EDC3: variants seen among roughly 807,000 people sequenced by gnomAD.
The protein encoded by EDC3 is enhancer of mRNA-decapping protein 3.
EDC3 carries 20 observed loss-of-function variants against 41.8 expected under a neutral mutation model. The observed-to-expected ratio is 0.48, with a 90% CI of 0.34 to 0.70. The LOEUF (loss-of-function observed/expected upper bound fraction) is 0.70, where lower values mean the gene tolerates loss of function less well. Among genes scored for constraint, EDC3 ranks in the 30% least tolerant of loss-of-function variants. The pLI is 0.01. For synonymous variants in EDC3, 206 were observed against 243.2 expected, an observed-to-expected ratio of 0.85 and a Z score of 1.42; for missense variants, 444 against 636.8, an observed-to-expected ratio of 0.70 and a Z score of 3.26.
intron 1 of EDC3, among the ~76,000 whole-genome samples, chr15:74,684,183 G>A (rs1432157736): frequency 1.4e-5 from 2 of 147,826 alleles, no homozygotes; most frequent in African/African-American, 5.0e-5. Flanking sequence ...GACTATAGGT[G>A]TATGCTACCA....
At position 74,671,426 on chromosome 15, in the gene EDC3, A is replaced by G; in HGVS notation, c.484+29T>C. The G allele has an allele frequency of 6.3e-7, 1 of 1,591,806 alleles. No individual in the cohort carries two copies. The highest frequency in any genetic ancestry group is 8.6e-7 in the Non-Finnish European group (1 of 1,165,186). ...CTTATAGCCCTGAAACACCAGATTGAGAAGAAATATCAACTTGACCCTACT... is the reference window on the plus strand; with the variant it reads ...CTTATAGCCCTGAAACACCAGATTGGGAAGAAATATCAACTTGACCCTACT... On this transcript the variant is annotated intron_variant, in intron 3 of 6. Transcript: ENST00000315127. This position sits in a 1 kb window ranked among gnomAD's most constrained non-coding sequence, Gnocchi z 4.6.
chr15:74,647,870 A>G (rs562224591), intron 4 of EDC3, among the ~76,000 whole-genome samples: 1 of 152,232 alleles, frequency 6.6e-6, no homozygotes, highest in Non-Finnish European at 1.5e-5. Flanking sequence ...AGGTTTATCC[A>G]GTGCAGGTGT....
chr15:74,687,550 G>A (rs1266609868), intron 1 of EDC3, among the ~76,000 whole-genome samples: 1 of 152,042 alleles, frequency 6.6e-6, no homozygotes, highest in Non-Finnish European at 1.5e-5. Context: ...GCTAATTTTT[G>A]TATTTTTAGT....
chr15:74,639,171 G>C (rs1033961711), intron 5 of EDC3: 1 of 152,186 alleles, frequency 6.6e-6, no homozygotes, highest in Non-Finnish European at 1.5e-5. Flanking sequence ...TTTTCTACCT[G>C]ATCTCACTGC....
intron 5 of EDC3, chr15:74,638,435 G>C (rs1417301351): frequency 6.9e-6 from 1 of 144,992 alleles, no homozygotes. Context: ...CCAGATTCAA[G>C]CATTTCTCTT....
chr15:74,664,431 G>C (rs931257304), intron 3 of EDC3, among the ~76,000 whole-genome samples: 4 of 152,248 alleles, frequency 2.6e-5, no homozygotes, highest in African/African-American at 9.6e-5. Context: ...CTGCCTTCCT[G>C]TGCCGTTTTT....
chr15:74,640,370 A>G (rs377310457), intron 5 of EDC3, 96 bp downstream of exon 5: 1 of 1,373,660 alleles, frequency 7.3e-7, no homozygotes, highest in African/African-American at 1.4e-5. Context: ...GAAACTGCCT[A>G]ATGAACTCGT....
rs1477593073 is a variant in EDC3 at position 74,632,668 on chromosome 15, T to C, written c.1471A>G (p.Ile491Val). The C allele has an allele frequency of 6.2e-7, 1 of 1,614,028 alleles. No homozygotes were observed. The highest frequency in any genetic ancestry group is 1.3e-5 in the African/African-American group (1 of 74,946). The part of the protein sequence containing the change: ...IPQQVFQEVG[I>V]NYHSPFGCKF... ...CAGCCAAAGGGCGAGTGGTAGTTGA[T>C]GCCCACCTCCTGGAAGACCTGCTGG... is the stretch of plus-strand genomic sequence containing the variant. The change falls in exon 7 of 7, where the codon ATC becomes GTC. Residue 491 changes from isoleucine (I) to valine (V), a missense_variant. Physicochemically the swap from Ile to Val is conservative, Grantham distance 29. Around this residue, in one of 3 missense-constraint regions of EDC3, gnomAD observed 242 missense variants for 363.8 expected, o/e 0.67. Coordinates refer to ENST00000315127, the MANE Select transcript of EDC3 (RefSeq NM_025083.5). The surrounding 1 kb of genome is among the most constrained non-coding windows in gnomAD (Gnocchi z 4.0).
chr15:74,649,931 T>A (rs1403293259), intron 4 of EDC3, among the ~76,000 whole-genome samples: 5 of 152,136 alleles, frequency 3.3e-5, no homozygotes, highest in African/African-American at 1.2e-4. Context: ...ATAACTTGAC[T>A]TGCTGCCATT....
At chr15:74,663,446 C>T (rs1187848444) in intron 3 of EDC3, among the ~76,000 whole-genome samples, 2 of 152,106 alleles carry the variant, frequency 1.3e-5, no homozygotes, top group Admixed American at 1.3e-4. Flanking sequence ...CTGAGCATCC[C>T]TAATCCAAAC....
At chr15:74,656,328 C>T (rs2062547886) in intron 3 of EDC3, among the ~76,000 whole-genome samples, 2 of 151,816 alleles carry the variant, frequency 1.3e-5, no homozygotes, top group South Asian at 4.2e-4. Flanking sequence ...TCGCTTGTGC[C>T]TAGGAGTTCA....
chr15:74,645,792 A>C (rs1043494628), intron 4 of EDC3, among the ~76,000 whole-genome samples: 2 of 151,618 alleles, frequency 1.3e-5, no homozygotes, highest in Non-Finnish European at 2.9e-5. Flanking sequence ...AGGTCAGGGG[A>C]GCCCAGGAGG....
intron 3 of EDC3, among the ~76,000 whole-genome samples, chr15:74,659,487 A>AATATATATAT (rs10601683): frequency 7.7e-5 from 11 of 142,194 alleles, no homozygotes; most frequent in African/African-American, 2.6e-4. Context: ...AAAAAATAGA[A>AATATATATAT]ATATATATAT....
intron 4 of EDC3, among the ~76,000 whole-genome samples, chr15:74,654,313 A>T (rs1286284191): frequency 6.6e-6 from 1 of 152,140 alleles, no homozygotes; most frequent in Non-Finnish European, 1.5e-5. Context: ...CACGCTGCAT[A>T]AACCAACAGC....
intron 2 of EDC3, among the ~76,000 whole-genome samples, chr15:74,673,663 C>T (rs1167629980): frequency 6.6e-6 from 1 of 151,816 alleles, no homozygotes; most frequent in African/African-American, 2.4e-5. Context: ...GGTGAAACCC[C>T]GTCTCTACTA....
intron 3 of EDC3, among the ~76,000 whole-genome samples, chr15:74,662,472 G>A (rs1252073157): frequency 6.6e-6 from 1 of 150,610 alleles, no homozygotes; most frequent in Non-Finnish European, 1.5e-5. Flanking sequence ...CCAATCAAAA[G>A]TTAGAAGTCT....
chr15:74,688,605 C>T (rs1379631265), intron 1 of EDC3, among the ~76,000 whole-genome samples: 1 of 152,150 alleles, frequency 6.6e-6, no homozygotes, highest in African/African-American at 2.4e-5. Context: ...TCTTCTTTTG[C>T]TCAAAAGTAC....
intron 4 of EDC3, among the ~76,000 whole-genome samples, chr15:74,653,885 T>C (rs2062511233): frequency 6.6e-6 from 1 of 152,178 alleles, no homozygotes; most frequent in African/African-American, 2.4e-5. Context: ...GAATTCTCCC[T>C]GATTCTCACT....
At chr15:74,684,972 C>G (rs1238888076) in intron 1 of EDC3, among the ~76,000 whole-genome samples, 1 of 152,176 alleles carries the variant, frequency 6.6e-6, no homozygotes, top group Non-Finnish European at 1.5e-5. Context: ...TCTGGTAAAA[C>G]ATGACCATCT....
Sources: gnomAD v4.1 joint callset for allele counts (sites outside exome capture counted in the v4.1 genomes callset) on GRCh38, gnomAD v4.1.1 for gene constraint, gnomAD v4.1.1 regional missense constraint, Gnocchi (gnomAD v3.1) non-coding constraint, MANE v1.5 for transcripts, NCBI Gene and HGNC (gene_info 2026-07-23, HGNC 2026-07-21) for gene names.